Variants in BNC2 observed in about 807,000 individuals in gnomAD.
BNC2 encodes zinc finger protein basonuclin-2.
Under a neutral mutation model 76.3 loss-of-function variants are expected in BNC2, and 20 were observed. The ratio of observed to expected loss-of-function variants is 0.26; its 90% CI spans 0.18 to 0.38. The LOEUF (loss-of-function observed/expected upper bound fraction) is 0.38. Among genes scored for constraint, BNC2 ranks in the 10% least tolerant of loss-of-function variants. The probability of loss-of-function intolerance (pLI) is 1.00; values close to 1 mark genes in which losing one functional copy is unlikely to be tolerated. For missense variants in BNC2, 1,382 were observed against 1,399.8 expected (o/e 0.99, Z 0.20); for synonymous variants, 582 against 514.8 (o/e 1.13, Z -1.77).
At chr9:16,567,423 G>T (rs1001017896) in intron 4 of BNC2, among the ~76,000 whole-genome samples, 3 of 151,926 alleles carry the variant, frequency 2.0e-5, no homozygotes, top group South Asian at 2.1e-4. Context: ...GGTGGGTGAG[G>T]GGTAGTTATA....
At chr9:16,793,867 TG>T (rs777826013) in intron 1 of BNC2, among the ~76,000 whole-genome samples, 5,514 of 110,844 alleles carry the variant, frequency 0.05, 500 homozygotes, top group African/African-American at 0.14. Context: ...TTTGTTTTTT[TG>T]TTTTTTTTTT....
At chr9:16,780,801 T>C (rs1015054873) in intron 1 of BNC2, among the ~76,000 whole-genome samples, 5 of 152,200 alleles carry the variant, frequency 3.3e-5, no homozygotes, top group South Asian at 4.2e-4. Flanking sequence ...AGTATTAAGA[T>C]AGAATACCTT....
intron 3 of BNC2, among the ~76,000 whole-genome samples, chr9:16,594,800 T>A (rs533356740): frequency 3.9e-5 from 6 of 152,194 alleles, no homozygotes; most frequent in Admixed American, 3.9e-4. Context: ...AATCCAGGGC[T>A]CTTTCTACTC....
intron 5 of BNC2, among the ~76,000 whole-genome samples, chr9:16,538,547 G>T (rs894954417): frequency 1.3e-5 from 2 of 152,038 alleles, no homozygotes; most frequent in Non-Finnish European, 2.9e-5. Context: ...CTCACTAAAA[G>T]GAAATTTTAA....
intron 1 of BNC2, among the ~76,000 whole-genome samples, chr9:16,741,172 G>A (rs977888881): frequency 5.3e-5 from 8 of 152,170 alleles, no homozygotes; most frequent in African/African-American, 1.9e-4. Context: ...GGTCCAACTG[G>A]AAAGGGTAAA....
chr9:16,737,281 C>T (rs1204444903), intron 2 of BNC2, among the ~76,000 whole-genome samples: 6 of 129,846 alleles, frequency 4.6e-5, no homozygotes, highest in African/African-American at 1.8e-4. Flanking sequence ...GAGACAGTCT[C>T]GCTCTGTTGC....
chr9:16,630,382 T>G (rs2133723667), intron 3 of BNC2, among the ~76,000 whole-genome samples: 1 of 152,286 alleles, frequency 6.6e-6, no homozygotes, highest in South Asian at 2.1e-4. Context: ...GCATTAAAAC[T>G]CAGTTATTAA....
At chr9:16,787,475 G>A (rs1294243029) in intron 1 of BNC2, among the ~76,000 whole-genome samples, 1 of 152,196 alleles carries the variant, frequency 6.6e-6, no homozygotes, top group Non-Finnish European at 1.5e-5. Context: ...CTGTCACTGG[G>A]CAAGTTACTT....
At chr9:16,477,116 A>G (rs1163912249) in intron 5 of BNC2, among the ~76,000 whole-genome samples, 1 of 152,160 alleles carries the variant, frequency 6.6e-6, no homozygotes, top group African/African-American at 2.4e-5. Flanking sequence ...AAGAACAGCC[A>G]AAGTATCATT....
intron 1 of BNC2, among the ~76,000 whole-genome samples, 180 bp downstream of exon 1, chr9:16,870,466 C>G (rs1819653579): frequency 6.6e-6 from 1 of 151,982 alleles, no homozygotes; most frequent in Non-Finnish European, 1.5e-5. Context: ...GGGAGCGCAG[C>G]GGGGATCAGG....
chr9:16,771,304 C>T (rs181184338), intron 1 of BNC2, among the ~76,000 whole-genome samples: 16 of 152,296 alleles, frequency 1.1e-4, no homozygotes, highest in Non-Finnish European at 2.1e-4. Context: ...AGGCTTACAA[C>T]CCTCTATACT....
At chr9:16,690,480 T>C (rs1357224652) in intron 3 of BNC2, among the ~76,000 whole-genome samples, 1 of 151,952 alleles carries the variant, frequency 6.6e-6, no homozygotes, top group Non-Finnish European at 1.5e-5. Context: ...CATACATACA[T>C]ACATACTAAC....
chr9:16,633,195 T>A (rs911143016), intron 3 of BNC2, among the ~76,000 whole-genome samples: 8 of 152,216 alleles, frequency 5.3e-5, no homozygotes, highest in African/African-American at 1.9e-4. Flanking sequence ...TTATTGCCAT[T>A]GTTTAGACGT....
intron 3 of BNC2, among the ~76,000 whole-genome samples, chr9:16,592,762 C>T (rs1008101458): frequency 2.0e-5 from 3 of 152,114 alleles, no homozygotes; most frequent in African/African-American, 7.2e-5. Flanking sequence ...ACCATTTAAT[C>T]CCATAAGATA....
At chr9:16,535,932 C>T (rs1032965877) in intron 5 of BNC2, among the ~76,000 whole-genome samples, 5 of 152,030 alleles carry the variant, frequency 3.3e-5, no homozygotes, top group East Asian at 1.9e-4. Context: ...TGCTGAAGGA[C>T]GCATGATAAA....
In BNC2 at chr9:16,436,615, A is replaced by G; in HGVS notation, c.1579T>C (p.Ser527Pro). The G allele has an allele frequency of 6.2e-7, 1 of 1,613,958 alleles. No homozygotes were observed. The highest frequency in any genetic ancestry group is 8.5e-7 in the Non-Finnish European group (1 of 1,179,964). The change falls in exon 6 of 7, where the codon TCA (serine) becomes CCA (proline). Residue 527 changes from serine to proline, a missense_variant. This residue lies in a region of BNC2 where 798 missense variants were observed against 775.5 expected (regional missense o/e 1.03). Transcript: ENST00000380672. ...AATPVIASTKSNLALTSPGRP... is the reference protein window; with the variant it reads ...AATPVIASTKPNLALTSPGRP... ...CCAGGGCTTGTGAGTGCCAGATTTG[A>G]TTTTGTACTTGCTATGACAGGGGTG...
At chr9:16,548,697 G>A (rs1307155779) in intron 5 of BNC2, among the ~76,000 whole-genome samples, 1 of 152,130 alleles carries the variant, frequency 6.6e-6, no homozygotes, top group Non-Finnish European at 1.5e-5. Context: ...GAGCCACCAC[G>A]CCTGGCCAGA....
chr9:16,701,965 C>CACAATAAT (rs1313927014), intron 3 of BNC2, among the ~76,000 whole-genome samples: 2 of 149,750 alleles, frequency 1.3e-5, no homozygotes, highest in Non-Finnish European at 1.5e-5. Context: ...AAAGACCAAC[C>CACAATAAT]ACAATAATAT....
chr9:16,825,233 A>G (rs1368491079), intron 1 of BNC2, among the ~76,000 whole-genome samples: 1 of 152,006 alleles, frequency 6.6e-6, no homozygotes, highest in Non-Finnish European at 1.5e-5. Flanking sequence ...AAAATCATTT[A>G]TTTTCTACTC....
Sources: gnomAD v4.1 joint callset for allele counts (sites outside exome capture counted in the v4.1 genomes callset) on GRCh38, gnomAD v4.1.1 for gene constraint, gnomAD v4.1.1 regional missense constraint, MANE v1.5 for transcripts, NCBI Gene and HGNC (gene_info 2026-07-23, HGNC 2026-07-21) for gene names.